Variants in SULT1B1 observed in about 807,000 individuals in gnomAD.
SULT1B1 encodes sulfotransferase 1B1.
In SULT1B1, 28 loss-of-function variants were observed where a neutral mutation model predicts 34.6. The observed-to-expected ratio is 0.81, with a 90% CI of 0.60 to 1.11. SULT1B1 has a LOEUF of 1.11. Ranked by LOEUF, SULT1B1 falls within the 50% of genes least tolerant of loss-of-function variation. SULT1B1 has a pLI of 0.00. For missense variants in SULT1B1, 374 were observed against 352.2 expected, an observed-to-expected ratio of 1.06 and a Z score of -0.50; for synonymous variants, 147 against 110.2, an observed-to-expected ratio of 1.33 and a Z score of -2.09.
At chr4:69,735,107 C>T (rs1020419629) in intron 4 of SULT1B1, among the ~76,000 whole-genome samples, 12 of 152,262 alleles carry the variant, frequency 7.9e-5, no homozygotes, top group African/African-American at 2.6e-4. Context: ...CATGAACCAT[C>T]GTGCCCGGCC....
intron 4 of SULT1B1, 69 bp from the exon 5 acceptor site, chr4:69,734,333 C>T: frequency 1.3e-6 from 2 of 1,518,070 alleles, no homozygotes; most frequent in Non-Finnish European, 1.8e-6. Context: ...AAAAATTAAC[C>T]TATACGCATG....
intron 4 of SULT1B1, among the ~76,000 whole-genome samples, chr4:69,739,924 T>A (rs755571558): frequency 6.6e-6 from 1 of 152,168 alleles, no homozygotes; most frequent in Non-Finnish European, 1.5e-5. Flanking sequence ...AAGTTCCTCT[T>A]CTCCATCTAA....
At chr4:69,732,622 A>G (rs1376932042) in intron 6 of SULT1B1, among the ~76,000 whole-genome samples, 1 of 151,848 alleles carries the variant, frequency 6.6e-6, no homozygotes, top group African/African-American at 2.4e-5. Flanking sequence ...ACTAATTTCA[A>G]CATGTTTACC....
intron 4 of SULT1B1, among the ~76,000 whole-genome samples, chr4:69,739,758 C>G (rs988927245): frequency 1.2e-4 from 19 of 152,220 alleles, no homozygotes; most frequent in African/African-American, 4.1e-4. Flanking sequence ...ACTGCATCAT[C>G]AGGCTGCAAA....
At chr4:69,757,309 T>A (rs79171237) in intron 1 of SULT1B1, among the ~76,000 whole-genome samples, 7,073 of 152,140 alleles carry the variant, frequency 0.046, 234 homozygotes, top group East Asian at 0.093. Context: ...TTGCATAATA[T>A]CTTAGATGAA....
intron 4 of SULT1B1, among the ~76,000 whole-genome samples, chr4:69,739,645 A>G (rs1428341639): frequency 6.6e-6 from 1 of 152,220 alleles, no homozygotes. Context: ...GGAGACCTTT[A>G]CCACATTGTC....
chr4:69,734,624 T>C (rs1175641127), intron 4 of SULT1B1, among the ~76,000 whole-genome samples: 2 of 151,916 alleles, frequency 1.3e-5, no homozygotes, highest in South Asian at 2.1e-4. Flanking sequence ...TACCAGCAAA[T>C]TGAAAATAAC....
At chr4:69,740,454 C>CA (rs1718501806) in intron 4 of SULT1B1, among the ~76,000 whole-genome samples, 1 of 152,188 alleles carries the variant, frequency 6.6e-6, no homozygotes, top group Non-Finnish European at 1.5e-5. Context: ...CACTCACTAT[C>CA]ATGATAACAG....
chr4:69,753,052 A>C (rs945489342), intron 3 of SULT1B1, among the ~76,000 whole-genome samples: 1 of 152,120 alleles, frequency 6.6e-6, no homozygotes, highest in Admixed American at 6.5e-5. Context: ...AGTCACATTG[A>C]TTCCAATGTC....
chr4:69,750,359 C>G (rs188770689), intron 3 of SULT1B1, among the ~76,000 whole-genome samples: 3 of 151,970 alleles, frequency 2.0e-5, no homozygotes, highest in Non-Finnish European at 4.4e-5. Flanking sequence ...TATGTATAGA[C>G]AGTAAAAATG....
At chr4:69,744,225 C>T (rs1407037158) in intron 4 of SULT1B1, among the ~76,000 whole-genome samples, 2 of 152,174 alleles carry the variant, frequency 1.3e-5, no homozygotes, top group Non-Finnish European at 2.9e-5. Context: ...GGGCAGCAGG[C>T]TCTCGGGGGA....
chr4:69,728,940 A>G (rs1717951503), intron 7 of SULT1B1, among the ~76,000 whole-genome samples: 1 of 152,010 alleles, frequency 6.6e-6, no homozygotes, highest in Non-Finnish European at 1.5e-5. Flanking sequence ...TAGAGAGGGG[A>G]TATAAAGACT....
At chr4:69,740,680 C>T (rs1718512927) in intron 4 of SULT1B1, among the ~76,000 whole-genome samples, 1 of 152,208 alleles carries the variant, frequency 6.6e-6, no homozygotes. Context: ...CTTCAGGTAA[C>T]TACTCAGTAA....
chr4:69,732,534 A>G (rs114102920), intron 6 of SULT1B1, among the ~76,000 whole-genome samples: 3,497 of 152,130 alleles, frequency 0.023, 103 homozygotes, highest in African/African-American at 0.075. Flanking sequence ...TGTAGTTACA[A>G]AGAAGACAAA....
chr4:69,748,764 T>C (rs1215624731), intron 4 of SULT1B1, among the ~76,000 whole-genome samples: 2 of 152,126 alleles, frequency 1.3e-5, no homozygotes, highest in African/African-American at 4.8e-5. Flanking sequence ...AATCTTGCAG[T>C]AAATGAGGAA....
rs1445834776 is a variant in SULT1B1 at position 69,724,607 on chromosome 4, C to G, written c.*2481G>C. 1 of 152,374 alleles carries G rather than the reference C, an allele frequency of 6.6e-6. No homozygotes were observed. Among genetic ancestry groups the G allele is most frequent in the East Asian group, 1.9e-4 (1 of 5,186 alleles). 9.4% of individuals were successfully genotyped at this position (152,374 alleles called of 1,614,324 possible). On this transcript the variant is annotated 3_prime_UTR_variant, in exon 8 of 8. Transcript: ENST00000310613. Reference sequence around the variant, plus strand: ...GAGCAAAGCTGGAAGCATCATACTACCTGACTTCAAACTATACTACAAGGC... The same window carrying G: ...GAGCAAAGCTGGAAGCATCATACTAGCTGACTTCAAACTATACTACAAGGC...
intron 4 of SULT1B1, among the ~76,000 whole-genome samples, chr4:69,749,273 CAA>C (rs952199052): frequency 7.2e-5 from 11 of 151,942 alleles, no homozygotes; most frequent in African/African-American, 2.2e-4. Context: ...CACAAATTGT[CAA>C]AAGTCAGATA....
chr4:69,758,591 T>C (rs1306095566), intron 1 of SULT1B1: 12 of 498,092 alleles, frequency 2.4e-5, no homozygotes, highest in African/African-American at 1.5e-4. Flanking sequence ...CAGAATGTAA[T>C]GTTTAGTAGC....
At chr4:69,729,649 A>G (rs938804514) in intron 7 of SULT1B1, among the ~76,000 whole-genome samples, 4 of 152,134 alleles carry the variant, frequency 2.6e-5, no homozygotes, top group Admixed American at 1.3e-4. Context: ...CAACTTTTCA[A>G]AAAATTAATC....
Sources: allele counts gnomAD v4.1 joint callset (sites outside exome capture counted in the v4.1 genomes callset), GRCh38; gene constraint gnomAD v4.1.1; transcripts MANE v1.5; gene names NCBI Gene and HGNC (gene_info 2026-07-23, HGNC 2026-07-21).